HOMER1: variants seen among roughly 807,000 people sequenced by gnomAD.
The protein encoded by HOMER1 is homer scaffold protein 1.
HOMER1 carries 3 observed loss-of-function variants against 48.9 expected under a neutral mutation model. The observed-to-expected ratio is 0.06, with a 90% CI of 0.03 to 0.16. The LOEUF (loss-of-function observed/expected upper bound fraction) is 0.16, where lower values mean the gene tolerates loss of function less well. Ranked by LOEUF, HOMER1 falls within the 10% of genes least tolerant of loss-of-function variation. The pLI is 1.00. For synonymous variants in HOMER1, 134 were observed against 146.4 expected, an observed-to-expected ratio of 0.92 and a Z score of 0.61; for missense variants, 247 against 411.4, an observed-to-expected ratio of 0.60 and a Z score of 3.46.
chr5:79,497,159 GAAGT>G (rs1004399595), intron 1 of HOMER1, among the ~76,000 whole-genome samples: 9 of 150,780 alleles, frequency 6.0e-5, no homozygotes, highest in Non-Finnish European at 1.3e-4. Flanking sequence ...GAATAACATA[GAAGT>G]AAGTAAGATG....
At chr5:79,476,242 A>T (rs1459441672) in intron 1 of HOMER1, among the ~76,000 whole-genome samples, 1 of 152,118 alleles carries the variant, frequency 6.6e-6, no homozygotes, top group Admixed American at 6.6e-5. Flanking sequence ...TTCTGAGTGG[A>T]AAAAAAACGA....
chr5:79,379,271 TTA>T (rs1284703675), intron 8 of HOMER1, among the ~76,000 whole-genome samples: 8 of 105,812 alleles, frequency 7.6e-5, no homozygotes, highest in East Asian at 2.2e-4. Flanking sequence ...ATATTATATA[TTA>T]TATATATCTA....
At position 79,374,804 on chromosome 5, in the gene HOMER1, T is replaced by C. The variant is rs1286473344; in HGVS notation, c.*1205A>G. 1 of 152,220 alleles carries C rather than the reference T, an allele frequency of 6.6e-6. No individual in the cohort carries two copies. The highest frequency in any genetic ancestry group is 2.1e-4 in the South Asian group (1 of 4,830). 9.4% of individuals were successfully genotyped at this position (152,220 alleles called of 1,614,324 possible). ...ATTACATCAAAACAACATTAAAACC[T>C]GTTCACTGAGAAGAGCCTATTGAAT... On this transcript the variant is annotated 3_prime_UTR_variant, in exon 9 of 9. Transcript: ENST00000334082.
In HOMER1 at chr5:79,479,874, A is replaced by C. The variant is rs191254026; in HGVS notation, c.6-22856T>G. Reference sequence around the variant, plus strand: ...GATAGAATTACCGAAAACCAGCATAAAATCTTAATAAAAGGAACTTTATAT... The same window carrying C: ...GATAGAATTACCGAAAACCAGCATACAATCTTAATAAAAGGAACTTTATAT... On this transcript the variant is annotated intron_variant, in intron 1 of 8. Coordinates refer to ENST00000334082, the MANE Select transcript of HOMER1 (RefSeq NM_004272.5). Among the ~76,000 whole-genome samples the C allele has an allele frequency of 1.4e-3, 220 of 152,352 alleles. 1 individual carries two copies. The highest frequency in any genetic ancestry group is 4.9e-3 in the African/African-American group (204 of 41,596).
At chr5:79,386,946 CT>C (rs377427258) in intron 8 of HOMER1, among the ~76,000 whole-genome samples, 69 of 75,244 alleles carry the variant, frequency 9.2e-4, no homozygotes, top group Middle Eastern at 0.014. Context: ...TCCTTCCTTC[CT>C]TTCCTTTCTT....
intron 5 of HOMER1, among the ~76,000 whole-genome samples, chr5:79,435,583 G>A (rs1750552565): frequency 1.3e-5 from 2 of 152,248 alleles, no homozygotes; most frequent in Non-Finnish European, 2.9e-5. Flanking sequence ...AGATTTTATA[G>A]CACTTTGGGA....
At chr5:79,384,056 T>A (rs190603671) in intron 8 of HOMER1, among the ~76,000 whole-genome samples, 4 of 138,698 alleles carry the variant, frequency 2.9e-5, no homozygotes, top group Admixed American at 7.1e-5. Flanking sequence ...ATCAAAAAAG[T>A]AGAAAGATTT....
At chr5:79,379,389 AT>A (rs1446373798) in intron 8 of HOMER1, among the ~76,000 whole-genome samples, 10 of 114,962 alleles carry the variant, frequency 8.7e-5, no homozygotes, top group East Asian at 6.4e-4. Flanking sequence ...TATTTTATAT[AT>A]TATATAAATA....
chr5:79,487,733 A>T (rs1426653180), intron 1 of HOMER1, among the ~76,000 whole-genome samples: 1 of 152,234 alleles, frequency 6.6e-6, no homozygotes, highest in Admixed American at 6.5e-5. Flanking sequence ...AAAGACATTG[A>T]TGAGGCAACT....
At chr5:79,481,596 T>C (rs1751948632) in intron 1 of HOMER1, among the ~76,000 whole-genome samples, 1 of 152,296 alleles carries the variant, frequency 6.6e-6, no homozygotes, top group East Asian at 1.9e-4. Flanking sequence ...AGAGGATTCC[T>C]CTCATGTTTT....
rs1348404513 is a variant in HOMER1, at chr5:79,374,773, T to A, written c.*1236A>T. On this transcript the variant is annotated 3_prime_UTR_variant, in exon 9 of 9. Transcript: ENST00000334082. ...AGAAATGCATGTTTGCTAAAAGTCT[T>A]TTAAAATTACATCAAAACAACATTA... The A allele has an allele frequency of 3.9e-5, 6 of 152,074 alleles. No homozygotes were observed. Among genetic ancestry groups the A allele is most frequent in the Non-Finnish European group, 1.5e-5 (1 of 67,922 alleles). The allele number at this position is 152,074 out of a possible 1,614,324, so 9.4% of individuals were successfully genotyped here.
chr5:79,421,475 T>C (rs1750097395), intron 5 of HOMER1, among the ~76,000 whole-genome samples: 1 of 152,240 alleles, frequency 6.6e-6, no homozygotes, highest in African/African-American at 2.4e-5. Context: ...AAGGAAAGTT[T>C]ACTATGGCCT....
intron 1 of HOMER1, among the ~76,000 whole-genome samples, chr5:79,509,881 A>T (rs1384140187): frequency 2.0e-5 from 3 of 152,222 alleles, no homozygotes; most frequent in Non-Finnish European, 4.4e-5. Flanking sequence ...CATTAGTTTA[A>T]AAAAAGAAGG....
intron 8 of HOMER1, among the ~76,000 whole-genome samples, chr5:79,378,639 A>T (rs1380262381): frequency 6.6e-6 from 1 of 152,150 alleles, no homozygotes; most frequent in Non-Finnish European, 1.5e-5. Context: ...TTGCCTACTT[A>T]AACAATAAGC....
intron 1 of HOMER1, among the ~76,000 whole-genome samples, chr5:79,457,633 G>A (rs1420245428): frequency 6.6e-6 from 1 of 152,126 alleles, no homozygotes; most frequent in Non-Finnish European, 1.5e-5. Flanking sequence ...TCAGTTCAAT[G>A]TTAATGCATT....
intron 5 of HOMER1, among the ~76,000 whole-genome samples, 164 bp from the exon 6 acceptor site, chr5:79,402,219 G>A (rs1749552411): frequency 6.7e-6 from 1 of 150,040 alleles, no homozygotes; most frequent in African/African-American, 2.5e-5. Context: ...AGGCTGGAGT[G>A]TAGTGGCGCA....
intron 1 of HOMER1, among the ~76,000 whole-genome samples, chr5:79,488,467 G>C (rs927776914): frequency 1.3e-5 from 2 of 152,138 alleles, no homozygotes; most frequent in Non-Finnish European, 2.9e-5. Context: ...TTCCATTCTA[G>C]TTTATACATC....
At chr5:79,453,388 T>A (rs776904671) in intron 2 of HOMER1, among the ~76,000 whole-genome samples, 1 of 152,216 alleles carries the variant, frequency 6.6e-6, no homozygotes, top group Non-Finnish European at 1.5e-5. Flanking sequence ...CCCCTCATTT[T>A]AACTATTTCA....
chr5:79,502,281 G>C (rs1408835369), intron 1 of HOMER1, among the ~76,000 whole-genome samples: 1 of 152,024 alleles, frequency 6.6e-6, no homozygotes, highest in Admixed American at 6.6e-5. Flanking sequence ...GCCTCCCAAA[G>C]TGCTGGGATT....
Sources: gnomAD v4.1 joint callset for allele counts (sites outside exome capture counted in the v4.1 genomes callset) on GRCh38, gnomAD v4.1.1 for gene constraint, MANE v1.5 for transcripts, NCBI Gene and HGNC (gene_info 2026-07-23, HGNC 2026-07-21) for gene names.